The following LRMDA variants were observed in gnomAD, a reference collection of about 807,000 sequenced individuals.
LRMDA encodes the protein leucine-rich melanocyte differentiation-associated protein.
Under a neutral mutation model 29.8 loss-of-function variants are expected in LRMDA, and 18 were observed. The observed-to-expected ratio is 0.60, with a 90% CI of 0.42 to 0.90. The LOEUF (loss-of-function observed/expected upper bound fraction) is 0.90, where lower values mean the gene tolerates loss of function less well. LRMDA is among the 40% of genes least tolerant of loss of function. LRMDA has a pLI of 0.00. For synonymous variants in LRMDA, 125 were observed against 109.4 expected, an observed-to-expected ratio of 1.14 and a Z score of -0.89; for missense variants, 273 against 273.9, an observed-to-expected ratio of 1.00 and a Z score of 0.02.
chr10:75,514,278 CTTCCTTCCTCCTCCCTCCTTT>C (rs956691815), intron 2 of LRMDA, among the ~76,000 whole-genome samples: 3 of 150,342 alleles, frequency 2.0e-5, no homozygotes, highest in Non-Finnish European at 4.4e-5. Context: ...CCTCCTCCTT[CTTCCTTCCTCCTCCCTCCTTT>C]TTCCTTCTTC....
At chr10:76,455,029 G>A (rs1003646661) in intron 6 of LRMDA, among the ~76,000 whole-genome samples, 4 of 152,116 alleles carry the variant, frequency 2.6e-5, no homozygotes, top group South Asian at 2.1e-4. Context: ...TGCCAGAGTC[G>A]GAGAGGCCAT....
intron 2 of LRMDA, among the ~76,000 whole-genome samples, chr10:75,713,326 T>G (rs934306101): frequency 6.6e-6 from 1 of 152,132 alleles, no homozygotes; most frequent in Admixed American, 6.5e-5. Flanking sequence ...AGAATAAGAG[T>G]CTGTGGTTGA....
At chr10:76,462,410 A>C (rs1842522560) in intron 6 of LRMDA, among the ~76,000 whole-genome samples, 1 of 152,190 alleles carries the variant, frequency 6.6e-6, no homozygotes. Flanking sequence ...TGGTAGTAAA[A>C]GAATCCCCAT....
intron 6 of LRMDA, among the ~76,000 whole-genome samples, chr10:76,425,606 T>C (rs1842116241): frequency 6.6e-6 from 1 of 151,692 alleles, no homozygotes. Context: ...ATTTTTCATA[T>C]ATATTTTTTA....
At chr10:75,996,593 A>G (rs1383238865) in intron 2 of LRMDA, among the ~76,000 whole-genome samples, 1 of 152,228 alleles carries the variant, frequency 6.6e-6, no homozygotes, top group African/African-American at 2.4e-5. Flanking sequence ...GATACTAGCA[A>G]TAACACAGTC....
intron 5 of LRMDA, among the ~76,000 whole-genome samples, chr10:76,071,430 T>C (rs1015217856): frequency 2.0e-5 from 3 of 152,214 alleles, no homozygotes; most frequent in Admixed American, 6.5e-5. Context: ...TTTTTAGTCA[T>C]GGGATGTTTT....
At chr10:76,203,364 C>A (rs1017784907) in intron 5 of LRMDA, among the ~76,000 whole-genome samples, 5 of 152,202 alleles carry the variant, frequency 3.3e-5, no homozygotes, top group African/African-American at 9.7e-5. Flanking sequence ...CTGCTCTCAA[C>A]CTCCTGGGCT....
chr10:76,149,161 C>T (rs932536718), intron 5 of LRMDA, among the ~76,000 whole-genome samples: 1 of 152,098 alleles, frequency 6.6e-6, no homozygotes, highest in Non-Finnish European at 1.5e-5. Context: ...GTGATTTTTC[C>T]AGAACTGGAA....
chr10:75,578,695 T>TG (rs1292265154), intron 2 of LRMDA, among the ~76,000 whole-genome samples: 1 of 152,050 alleles, frequency 6.6e-6, no homozygotes, highest in African/African-American at 2.4e-5. Flanking sequence ...CATAACAGTC[T>TG]GTCAGACCAC....
At chr10:75,817,873 C>T (rs1278729777) in intron 2 of LRMDA, among the ~76,000 whole-genome samples, 3 of 152,144 alleles carry the variant, frequency 2.0e-5, no homozygotes, top group African/African-American at 7.2e-5. Flanking sequence ...CATTATCTCA[C>T]GTAAGAGTAA....
chr10:75,577,197 G>A (rs1840517160), intron 2 of LRMDA, among the ~76,000 whole-genome samples: 1 of 152,112 alleles, frequency 6.6e-6, no homozygotes, highest in African/African-American at 2.4e-5. Context: ...GAACATATAT[G>A]ACCTGATGGA....
chr10:75,969,276 C>T (rs1350197060), intron 2 of LRMDA, among the ~76,000 whole-genome samples: 5 of 152,212 alleles, frequency 3.3e-5, no homozygotes, highest in Admixed American at 6.5e-5. Flanking sequence ...GTTTTCCTTG[C>T]TTGTTGCTCG....
At chr10:76,072,143 G>A (rs1848885823) in intron 5 of LRMDA, among the ~76,000 whole-genome samples, 1 of 152,180 alleles carries the variant, frequency 6.6e-6, no homozygotes, top group Admixed American at 6.5e-5. Context: ...TGTTTACCCT[G>A]CAAGCAACTG....
intron 5 of LRMDA, among the ~76,000 whole-genome samples, chr10:76,110,131 G>A (rs1467097788): frequency 6.6e-6 from 1 of 152,050 alleles, no homozygotes; most frequent in East Asian, 1.9e-4. Context: ...TGTTCTTCCT[G>A]TGCATGGCCA....
rs1457955032 is a variant in LRMDA, at chr10:76,499,132, A to G, written c.602-58077A>G. Among the ~76,000 whole-genome samples, 83 of 75,412 alleles carry G rather than the reference A, an allele frequency of 1.1e-3. 27 individuals are homozygous for G. The highest frequency in any genetic ancestry group is 2.4e-3 in the African/African-American group (76 of 31,062). The allele number at this position is 75,412 out of a possible 152,430, so 49.5% of individuals were successfully genotyped here. A position where few individuals can be genotyped will look rare whatever the true frequency, so the allele number is the denominator to read the frequency against. ...TCAATAAAATTCATTCACTTGAAGT[A>G]TAACAGTTCAGAAGTTTTTAATATA... On this transcript the variant is annotated intron_variant, in intron 6 of 6. Transcript: ENST00000611255.
In LRMDA at chr10:76,207,119, A is replaced by G. The variant is rs144643732; in HGVS notation, c.517-117282A>G. Among the ~76,000 whole-genome samples the G allele has an allele frequency of 3.1e-3, 466 of 152,182 alleles. 7 individuals are homozygous for G. The highest frequency in any genetic ancestry group is 0.015 in the South Asian group (70 of 4,818). ...TTACTAATTGGCACTTTGAAATGCT[A>G]CTCTGTGCCACAACAGGGGTAATGA... On this transcript the variant is annotated intron_variant, in intron 5 of 6. Coordinates refer to ENST00000611255, the MANE Select transcript of LRMDA (RefSeq NM_001305581.2).
intron 2 of LRMDA, among the ~76,000 whole-genome samples, chr10:75,974,054 A>G (rs1285124756): frequency 6.6e-6 from 1 of 152,172 alleles, no homozygotes; most frequent in Non-Finnish European, 1.5e-5. Flanking sequence ...CAAAACTACA[A>G]ACAACACATT....
intron 6 of LRMDA, among the ~76,000 whole-genome samples, chr10:76,363,176 A>AGAAAGAAAGAAAGAAAGAAAGAGGGAG (rs1459442138): frequency 2.8e-4 from 6 of 21,750 alleles, no homozygotes; most frequent in African/African-American, 7.3e-4. Flanking sequence ...AAAGAAAGAA[A>AGAAAGAAAGAAAGAAAGAAAGAGGGAG]GGAGGGAGGG....
At chr10:75,900,607 C>T (rs1252606051) in intron 2 of LRMDA, among the ~76,000 whole-genome samples, 1 of 152,042 alleles carries the variant, frequency 6.6e-6, no homozygotes, top group African/African-American at 2.4e-5. Flanking sequence ...GTGCATTGCC[C>T]CCCAGCCCCC....
Sources: allele counts gnomAD v4.1 joint callset (sites outside exome capture counted in the v4.1 genomes callset), GRCh38; gene constraint gnomAD v4.1.1; transcripts MANE v1.5; gene names NCBI Gene and HGNC (gene_info 2026-07-23, HGNC 2026-07-21).